GNAL: variants seen among roughly 807,000 people sequenced by gnomAD.
GNAL encodes the protein G protein subunit alpha L.
A neutral mutation model predicts 55.1 loss-of-function variants in GNAL; 18 were observed. The observed-to-expected ratio is 0.33, with a 90% CI of 0.23 to 0.48. The LOEUF (loss-of-function observed/expected upper bound fraction) is 0.48. GNAL is among the 20% of genes least tolerant of loss of function. The pLI is 0.99. For synonymous variants in GNAL, 253 were observed against 237.0 expected, an observed-to-expected ratio of 1.07 and a Z score of -0.62; for missense variants, 412 against 614.1, an observed-to-expected ratio of 0.67 and a Z score of 3.48.
chr18:11,868,457 A>T lies in GNAL; in HGVS notation c.911-86A>T. 2 of 1,124,318 alleles carry T rather than the reference A, an allele frequency of 1.8e-6. No homozygotes were observed. The highest frequency in any genetic ancestry group is 4.3e-5 in the Admixed American group (2 of 46,452). The allele number at this position is 1,124,318 out of a possible 1,614,324, so 69.6% of individuals were successfully genotyped here. On this transcript the variant is annotated intron_variant, in intron 8 of 11. Coordinates refer to ENST00000334049, the MANE Select transcript of GNAL (RefSeq NM_182978.4). The surrounding 1 kb of genome is among the most constrained non-coding windows in gnomAD (Gnocchi z 4.0). ...ATCACTGAATGAATGTTTTTGTGGAACTGAGTAGCTGCTGGGTGTGTACTT... is the reference window on the plus strand; with the variant it reads ...ATCACTGAATGAATGTTTTTGTGGATCTGAGTAGCTGCTGGGTGTGTACTT...
intron 1 of GNAL, among the ~76,000 whole-genome samples, chr18:11,743,846 C>T (rs952298340): frequency 1.3e-5 from 2 of 152,200 alleles, no homozygotes; most frequent in African/African-American, 4.8e-5. Flanking sequence ...TTAAATGCAA[C>T]TTTGAGGTGT....
chr18:11,851,796 G>C, intron 5 of GNAL: 1 of 1,613,976 alleles, frequency 6.2e-7, no homozygotes, highest in Non-Finnish European at 8.5e-7. Context: ...TGGCTGGTGT[G>C]GTTAAGTCGA....
chr18:11,855,552 T>A (rs1307435322), intron 5 of GNAL, among the ~76,000 whole-genome samples: 1 of 152,212 alleles, frequency 6.6e-6, no homozygotes, highest in Non-Finnish European at 1.5e-5. Flanking sequence ...CTGTGTGTGC[T>A]GCTGGGGAAT....
chr18:11,837,931 G>A (rs2035531681), intron 5 of GNAL, among the ~76,000 whole-genome samples: 1 of 152,178 alleles, frequency 6.6e-6, no homozygotes. Flanking sequence ...CTTGAGCTCA[G>A]GAGTTTGAGA....
intron 4 of GNAL, among the ~76,000 whole-genome samples, chr18:11,815,262 T>C (rs961973757): frequency 6.6e-6 from 1 of 152,178 alleles, no homozygotes. Flanking sequence ...TATGTGTCAA[T>C]TATGTATTAG....
intron 4 of GNAL, among the ~76,000 whole-genome samples, chr18:11,803,878 G>A (rs1056444710): frequency 4.7e-5 from 7 of 150,078 alleles, no homozygotes; most frequent in Admixed American, 2.7e-4. Flanking sequence ...AGTGGAACAT[G>A]GAGATTCTGT....
chr18:11,812,918 T>A (rs1339490157), intron 4 of GNAL, among the ~76,000 whole-genome samples: 2 of 151,342 alleles, frequency 1.3e-5, no homozygotes, highest in African/African-American at 4.9e-5. Flanking sequence ...ATGTAAAAAA[T>A]CTATATGCTG....
Position 11,867,168 on chromosome 18 carries a change from C to T in GNAL, c.852C>T (p.His284=). The part of the protein sequence containing the change: ...TRFQVDKVNF[H]MFDVGGQRDE... ...TTGTGTTCCTCTTGCTCTTCCACAGCATGTTTGATGTTGGTGGCCAGAGGG... is the reference window on the plus strand; with the variant it reads ...TTGTGTTCCTCTTGCTCTTCCACAGTATGTTTGATGTTGGTGGCCAGAGGG... Residue 284 remains histidine (H), a splice_region_variant and synonymous_variant, in exon 8 of 12, where the codon CAC becomes CAT. Coordinates refer to ENST00000334049, the MANE Select transcript of GNAL (RefSeq NM_182978.4). The T allele has an allele frequency of 6.2e-7, 1 of 1,608,558 alleles. No individual in the cohort carries two copies.
chr18:11,691,402 T>C (rs1894247589), intron 1 of GNAL, among the ~76,000 whole-genome samples: 2 of 151,072 alleles, frequency 1.3e-5, no homozygotes, highest in Admixed American at 6.6e-5. Flanking sequence ...TTCTCCCATT[T>C]TGTAGGTTGC....
chr18:11,744,510 C>A (rs1260875567), intron 1 of GNAL, among the ~76,000 whole-genome samples: 1 of 151,916 alleles, frequency 6.6e-6, no homozygotes, highest in African/African-American at 2.4e-5. Context: ...CACCAAGATA[C>A]TAAGAAAAAA....
At chr18:11,859,981 C>CA (rs1449898664) in intron 5 of GNAL, among the ~76,000 whole-genome samples, 2 of 152,146 alleles carry the variant, frequency 1.3e-5, no homozygotes. Flanking sequence ...CTCCTGACCT[C>CA]AGGCGATCCA....
intron 4 of GNAL, among the ~76,000 whole-genome samples, chr18:11,800,142 T>A (rs1221195472): frequency 6.6e-6 from 1 of 152,208 alleles, no homozygotes; most frequent in African/African-American, 2.4e-5. Flanking sequence ...CATGTCTTCA[T>A]ACATTTCTTT....
chr18:11,739,500 C>T (rs2032530149), intron 1 of GNAL, among the ~76,000 whole-genome samples: 1 of 152,116 alleles, frequency 6.6e-6, no homozygotes, highest in South Asian at 2.1e-4. Flanking sequence ...TGTGTCTGAC[C>T]CGTCATCATC....
intron 1 of GNAL, among the ~76,000 whole-genome samples, chr18:11,709,672 A>G (rs12456458): frequency 0.022 from 3,358 of 152,282 alleles, 103 homozygotes; most frequent in African/African-American, 0.07. Context: ...ACTTTGCTGA[A>G]TTCATTTATT....
At chr18:11,803,109 CATT>C (rs1297703084) in intron 4 of GNAL, among the ~76,000 whole-genome samples, 6 of 152,170 alleles carry the variant, frequency 3.9e-5, no homozygotes, top group Admixed American at 1.3e-4. Flanking sequence ...CCATCTTAGT[CATT>C]ATTCAGTGCA....
At chr18:11,841,747 G>A (rs778028671) in intron 5 of GNAL, among the ~76,000 whole-genome samples, 1 of 152,030 alleles carries the variant, frequency 6.6e-6, no homozygotes, top group East Asian at 1.9e-4. Context: ...CTTCCCAACT[G>A]CGGGGATCCT....
rs1184894561 is a variant in GNAL at position 11,881,955 on chromosome 18, G to GTT, written c.*822_*823dup. On this transcript the variant is annotated 3_prime_UTR_variant, in exon 12 of 12. Coordinates refer to ENST00000334049, the MANE Select transcript of GNAL (RefSeq NM_182978.4). This position sits in a 1 kb window ranked among gnomAD's most constrained non-coding sequence, Gnocchi z 4.8. ...CTATCTATACCTGTACATGAAATGT[G>GTT]TTTGTATTGTGCTGAAGAGCTTAAT... The GTT allele has an allele frequency of 6.6e-6, 1 of 152,594 alleles. No individual in the cohort carries two copies. Among genetic ancestry groups the GTT allele is most frequent in the Non-Finnish European group, 1.5e-5 (1 of 68,028 alleles). 9.5% of individuals were successfully genotyped at this position (152,594 alleles called of 1,614,324 possible).
chr18:11,857,359 A>G, intron 5 of GNAL: 1 of 379,562 alleles, frequency 2.6e-6, no homozygotes, highest in Non-Finnish European at 3.6e-6. Context: ...CAAAGGGGGA[A>G]AAAAAGCAGG....
intron 1 of GNAL, among the ~76,000 whole-genome samples, chr18:11,749,418 A>G (rs1448485119): frequency 2.0e-5 from 3 of 152,196 alleles, no homozygotes; most frequent in African/African-American, 7.2e-5. Context: ...TACTATATTG[A>G]ACAAATATTT....
Sources: allele counts gnomAD v4.1 joint callset (sites outside exome capture counted in the v4.1 genomes callset), GRCh38; gene constraint gnomAD v4.1.1; non-coding constraint Gnocchi (gnomAD v3.1); transcripts MANE v1.5; gene names NCBI Gene and HGNC (gene_info 2026-07-23, HGNC 2026-07-21).